The following CECR2 variants were observed in gnomAD, a reference collection of about 807,000 sequenced individuals.
CECR2 encodes the protein chromatin remodeling regulator CECR2.
A neutral mutation model predicts 154.5 loss-of-function variants in CECR2; 30 were observed. That is an observed-to-expected ratio of 0.19 (90% CI 0.15 to 0.26). CECR2 has a LOEUF of 0.26. CECR2 is among the 10% of genes least tolerant of loss of function. CECR2 has a pLI of 1.00. For missense variants in CECR2, 1,743 were observed against 1,829.3 expected (o/e 0.95, Z 0.86); for synonymous variants, 725 against 683.7 (o/e 1.06, Z -0.94).
chr22:17,498,175 A>T (rs2055665704), intron 3 of CECR2, among the ~76,000 whole-genome samples: 1 of 152,068 alleles, frequency 6.6e-6, no homozygotes, highest in African/African-American at 2.4e-5. Context: ...CAGATCACGA[A>T]GTCAGGAGAT....
In CECR2 at chr22:17,541,834, T is replaced by G. The variant is rs1482440096; in HGVS notation, c.1885-5T>G. 6.2e-7 allele frequency: 1 copy of G among 1,611,260 alleles called. No individual in the cohort carries two copies. The highest frequency in any genetic ancestry group is 1.7e-5 in the Admixed American group (1 of 59,526). On this transcript the variant is annotated splice_region_variant and splice_polypyrimidine_tract_variant and intron_variant, in intron 14 of 18. Coordinates refer to ENST00000262608, the MANE Select transcript of CECR2 (RefSeq NM_001290047.2). Reference sequence around the variant, plus strand: ...CCTCTTCTTGCTTTGTTCAATGTGCTGCAGAGGCCAGCAGTACCAGGAACA... The same window carrying G: ...CCTCTTCTTGCTTTGTTCAATGTGCGGCAGAGGCCAGCAGTACCAGGAACA...
At chr22:17,399,316 T>C (rs922248449) in intron 1 of CECR2, among the ~76,000 whole-genome samples, 11 of 152,154 alleles carry the variant, frequency 7.2e-5, no homozygotes, top group Non-Finnish European at 1.5e-4. Context: ...CTTTTAGCTC[T>C]CACATTTTAT....
chr22:17,408,343 A>G (rs963218047), intron 1 of CECR2, among the ~76,000 whole-genome samples: 1 of 151,860 alleles, frequency 6.6e-6, no homozygotes, highest in Non-Finnish European at 1.5e-5. Context: ...TCACATCCCA[A>G]CGTCTCCATT....
At chr22:17,418,736 C>T in intron 1 of CECR2, 1 of 478,104 alleles carries the variant, frequency 2.1e-6, no homozygotes, top group Non-Finnish European at 3.1e-6. Context: ...CCCCAATGGA[C>T]CCATCCATTC....
chr22:17,469,587 A>C (rs2055088774), intron 1 of CECR2, among the ~76,000 whole-genome samples: 1 of 134,384 alleles, frequency 7.4e-6, no homozygotes, highest in African/African-American at 2.9e-5. Context: ...TTTTGATGAT[A>C]ACATTGTTTT....
At chr22:17,450,501 C>G (rs2054751472) in intron 1 of CECR2, among the ~76,000 whole-genome samples, 1 of 152,160 alleles carries the variant, frequency 6.6e-6, no homozygotes, top group African/African-American at 2.4e-5. Flanking sequence ...AAATTCCTGA[C>G]CTCGTGATTC....
At chr22:17,366,247 G>A (rs1010673188), upstream of CECR2, among the ~76,000 whole-genome samples, 1 of 152,078 alleles carries the variant, frequency 6.6e-6, no homozygotes, top group Non-Finnish European at 1.5e-5. Flanking sequence ...GGAGTACAGT[G>A]GCACGATCTC....
In CECR2 at chr22:17,510,451, C is replaced by T. The variant is rs554242503; in HGVS notation, c.871-1362C>T. Among the ~76,000 whole-genome samples, 344 of 146,024 alleles carry T rather than the reference C, an allele frequency of 2.4e-3. 2 individuals carry two copies. Among genetic ancestry groups the T allele is most frequent in the Non-Finnish European group, 3.5e-3 (237 of 66,844 alleles). On this transcript the variant is annotated intron_variant, in intron 7 of 18. Coordinates refer to ENST00000262608, the MANE Select transcript of CECR2 (RefSeq NM_001290047.2). ...CACCACTGCACTCCATCCTCGGCGA[C>T]AGAACAAGAACCTATGAAAAAAAAA... is the stretch of plus-strand genomic sequence containing the variant.
chr22:17,494,759 A>G (rs1254758820), intron 2 of CECR2, among the ~76,000 whole-genome samples: 6 of 152,168 alleles, frequency 3.9e-5, no homozygotes, highest in African/African-American at 1.4e-4. Flanking sequence ...CAGGGGCACA[A>G]TCTCGGCTCA....
chr22:17,428,820 GTGTGTGTA>G (rs1265215431), intron 1 of CECR2, among the ~76,000 whole-genome samples: 3 of 150,980 alleles, frequency 2.0e-5, no homozygotes, highest in African/African-American at 7.4e-5. Flanking sequence ...GTGTGTGTGT[GTGTGTGTA>G]TATAAAGGCA....
intron 7 of CECR2, among the ~76,000 whole-genome samples, chr22:17,510,141 C>T (rs1347599263): frequency 1.3e-5 from 2 of 152,140 alleles, no homozygotes; most frequent in East Asian, 3.8e-4. Context: ...CGTAGGGAAA[C>T]ATTCACGTTC....
intron 1 of CECR2, among the ~76,000 whole-genome samples, chr22:17,373,748 C>T (rs1243536734): frequency 1.3e-5 from 2 of 152,190 alleles, no homozygotes; most frequent in Non-Finnish European, 2.9e-5. Context: ...TAAGCCCCTA[C>T]TTTGTGCTTA....
upstream of CECR2, among the ~76,000 whole-genome samples, chr22:17,367,052 C>T (rs1305321062): frequency 6.6e-6 from 1 of 152,148 alleles, no homozygotes; most frequent in Non-Finnish European, 1.5e-5. Context: ...AGGAGGAGCC[C>T]TGAGAGACAG....
intron 13 of CECR2, 132 bp downstream of exon 13, chr22:17,539,251 T>C (rs1296793): frequency 0.17 from 176,584 of 1,019,230 alleles, 17,363 homozygotes; most frequent in Non-Finnish European, 0.2. Context: ...AGTCATGGGA[T>C]TGACCATTCC....
intron 2 of CECR2, among the ~76,000 whole-genome samples, chr22:17,487,558 G>A (rs373611012): frequency 6.6e-6 from 1 of 152,116 alleles, no homozygotes; most frequent in African/African-American, 2.4e-5. Context: ...AAAATCAGCC[G>A]GGTTTGGTAG....
At chr22:17,395,975 C>T (rs1302379969) in intron 1 of CECR2, among the ~76,000 whole-genome samples, 2 of 152,044 alleles carry the variant, frequency 1.3e-5, no homozygotes, top group African/African-American at 4.8e-5. Context: ...CGTTTTGGCT[C>T]ATGCCTGTAA....
At chr22:17,499,106 C>T (rs1249821868) in intron 3 of CECR2, among the ~76,000 whole-genome samples, 2 of 152,106 alleles carry the variant, frequency 1.3e-5, no homozygotes, top group Non-Finnish European at 2.9e-5. Context: ...TCTCCTGCCT[C>T]AGCCTCCCGA....
intron 1 of CECR2, 96 bp from the exon 2 acceptor site, chr22:17,477,492 C>G (rs2055228705): frequency 3.7e-6 from 3 of 812,554 alleles, no homozygotes; most frequent in Non-Finnish European, 6.3e-6. Context: ...CTGCTGGGAC[C>G]ATTCAGTTCT....
Position 17,435,522 on chromosome 22 carries a change from G to C in CECR2, c.127-42066G>C, listed in dbSNP as rs143541564. 2.5e-3 allele frequency among the ~76,000 whole-genome samples: 383 copies of C among 152,032 alleles called. 2 individuals carry two copies. The highest frequency in any genetic ancestry group is 8.9e-3 in the African/African-American group (371 of 41,498). On this transcript the variant is annotated intron_variant, in intron 1 of 18. Transcript: ENST00000262608. ...GCAGTGCCTCTTCTCTCATCTCTAA[G>C]TTTAGGAAGCCCTCAGCACCTTTTG... is the stretch of plus-strand genomic sequence containing the variant.
Sources: gnomAD v4.1 joint callset for allele counts (sites outside exome capture counted in the v4.1 genomes callset) on GRCh38, gnomAD v4.1.1 for gene constraint, MANE v1.5 for transcripts, NCBI Gene and HGNC (gene_info 2026-07-23, HGNC 2026-07-21) for gene names.